RIC1: variants seen among roughly 807,000 people sequenced by gnomAD.
RIC1 encodes RIC1 partner of RAB6A GEF complex, also known as guanine nucleotide exchange factor subunit RIC1.
A neutral mutation model predicts 169.0 loss-of-function variants in RIC1; 88 were observed. That is an observed-to-expected ratio of 0.52 (90% confidence interval 0.44 to 0.62). RIC1 has a LOEUF of 0.62. Ranked by LOEUF, RIC1 falls within the 20% of genes least tolerant of loss-of-function variation. RIC1 has a pLI of 0.00. For missense variants in RIC1, 1,877 were observed against 1,725.5 expected (o/e 1.09, Z -1.56); for synonymous variants, 790 against 601.5 (o/e 1.31, Z -4.59).
intron 2 of RIC1, among the ~76,000 whole-genome samples, chr9:5,668,210 A>G (rs569508517): frequency 6.0e-5 from 9 of 150,358 alleles, no homozygotes; most frequent in African/African-American, 1.5e-4. Context: ...CTGTGATTCA[A>G]TTACCTCCCG....
At position 5,763,222 on chromosome 9, in the gene RIC1, A is replaced by G. The variant is rs1208377997; in HGVS notation, c.2195A>G (p.His732Arg). Reference protein sequence around the residue: ...TTCRANKQKRHLLEALWLSCG... With the variant: ...TTCRANKQKRRLLEALWLSCG... ...TGTCGAGCAAATAAACAGAAACGTC[A>G]CCTTCTGGAGGCCCTCTGGCTGAGC... The change falls in exon 19 of 26, where the codon CAC (histidine) becomes CGC (arginine). Residue 732 changes from histidine to arginine, a missense_variant. Physicochemically the swap from His to Arg is conservative, Grantham distance 29. Transcript: ENST00000414202. This position sits in a 1 kb window ranked among gnomAD's most constrained non-coding sequence, Gnocchi z 5.2. 6.2e-7 allele frequency: 1 copy of G among 1,614,090 alleles called. No individual in the cohort carries two copies. The highest frequency in any genetic ancestry group is 1.7e-5 in the Admixed American group (1 of 60,020).
intron 17 of RIC1, among the ~76,000 whole-genome samples, chr9:5,760,992 C>T (rs752714784): frequency 1.3e-5 from 2 of 151,898 alleles, no homozygotes; most frequent in Non-Finnish European, 2.9e-5. Context: ...CATTGTGCTT[C>T]CCTATTTCTC....
chr9:5,737,239 GTAT>G lies in RIC1; in HGVS notation c.813-1207_813-1205del, dbSNP rs1824771625. On this transcript the variant is annotated intron_variant, in intron 7 of 25. Coordinates refer to ENST00000414202, the MANE Select transcript of RIC1 (RefSeq NM_020829.4). Reference sequence around the variant, plus strand: ...TTCAATTTTGAAATGTGGCTTAGACGTATTATAGAGATTTTACTTCTGGCTTCA... The same window carrying G: ...TTCAATTTTGAAATGTGGCTTAGACGTATAGAGATTTTACTTCTGGCTTCA... Among the ~76,000 whole-genome samples, 8 of 148,590 alleles carry G rather than the reference GTAT, an allele frequency of 5.4e-5. No homozygotes were observed. In the South Asian group the frequency reaches 1.7e-3, roughly 31 times the overall value.
chr9:5,758,955 G>A (rs1016682749), intron 17 of RIC1, among the ~76,000 whole-genome samples: 1 of 151,866 alleles, frequency 6.6e-6, no homozygotes, highest in South Asian at 2.1e-4. Context: ...ATGTTGGCCA[G>A]GATGGTCTCA....
intron 1 of RIC1, among the ~76,000 whole-genome samples, chr9:5,648,226 C>G (rs1258316582): frequency 2.6e-5 from 4 of 152,118 alleles, no homozygotes; most frequent in Non-Finnish European, 5.9e-5. Context: ...TCAGGTGATC[C>G]ACCTGTCTCG....
chr9:5,757,479 G>C (rs1826077690), intron 17 of RIC1, 28 bp downstream of exon 17: 1 of 1,611,600 alleles, frequency 6.2e-7, no homozygotes, highest in Non-Finnish European at 8.5e-7. Context: ...AAGGTCTTTG[G>C]AGTTTACATT....
Position 5,774,362 on chromosome 9 carries a change from G to T in RIC1, c.*116G>T. The T allele has an allele frequency of 1.3e-6, 1 of 786,788 alleles. No homozygotes were observed. The allele number at this position is 786,788 out of a possible 1,614,324, so 48.7% of individuals were successfully genotyped here. A position where few individuals can be genotyped will look rare whatever the true frequency, so the allele number is the denominator to read the frequency against. On this transcript the variant is annotated 3_prime_UTR_variant, in exon 26 of 26. Coordinates refer to ENST00000414202, the MANE Select transcript of RIC1 (RefSeq NM_020829.4). ...ACTCAGTTCAGAGACTCTTCGGTAA[G>T]TATTAGTAGATTTTAACTAATTCTT...
intron 3 of RIC1, among the ~76,000 whole-genome samples, chr9:5,709,349 C>G (rs1352508970): frequency 6.6e-6 from 1 of 152,140 alleles, no homozygotes; most frequent in East Asian, 1.9e-4. Flanking sequence ...ACAGAGGTTA[C>G]TGTGTTAGTC....
intron 1 of RIC1, among the ~76,000 whole-genome samples, chr9:5,634,818 T>A (rs1817891292): frequency 6.6e-6 from 1 of 152,194 alleles, no homozygotes; most frequent in South Asian, 2.1e-4. Flanking sequence ...TTCCCCTGTT[T>A]TCTTCTAGGA....
Position 5,753,180 on chromosome 9 carries a change from T to C in RIC1, c.1453-20T>C, listed in dbSNP as rs991055350. 3 of 1,598,624 alleles carry C rather than the reference T, an allele frequency of 1.9e-6. No homozygotes were observed. Among genetic ancestry groups the C allele is most frequent in the Non-Finnish European group, 2.6e-6 (3 of 1,166,048 alleles). On this transcript the variant is annotated intron_variant, in intron 12 of 25. Coordinates refer to ENST00000414202, the MANE Select transcript of RIC1 (RefSeq NM_020829.4). ...ATATATTTCATAAGTTTTACCAATC[T>C]GATGTGTTATTTTCTATAGATTTCC...
rs191384939 is a variant in RIC1, at chr9:5,689,242, A to G, written c.253-717A>G. On this transcript the variant is annotated intron_variant, in intron 2 of 25. Transcript: ENST00000414202. ...TTTTTTGTATTTTTTTAGTAGAGAC[A>G]GGGTTTCACCACGTTAGCCAGAATG... is the stretch of plus-strand genomic sequence containing the variant. 9.5e-3 allele frequency among the ~76,000 whole-genome samples: 1,443 copies of G among 151,728 alleles called. 10 individuals carry two copies. The highest frequency in any genetic ancestry group is 0.012 in the Non-Finnish European group (848 of 67,862).
chr9:5,721,180 G>C (rs1823564244), intron 6 of RIC1, among the ~76,000 whole-genome samples: 1 of 152,084 alleles, frequency 6.6e-6, no homozygotes, highest in African/African-American at 2.4e-5. Flanking sequence ...TTGTGATTTT[G>C]ATTAGGTTAC....
rs968327417 is a variant in RIC1, at chr9:5,770,212, A to G, written c.3550A>G (p.Ile1184Val). ...LSNIGPTHHE[I>V]DTASSHGPQM... is the part of the protein sequence containing the mutation. ...CAACATTGGCCCCACCCATCATGAG[A>G]TAGACACAGCTTCATCCCATGGACC... Residue 1184 changes from isoleucine to valine, a missense_variant, in exon 23 of 26, where the codon ATA becomes GTA. Ile to Val is a conservative substitution (Grantham distance 29). Around this residue, in one of 3 missense-constraint regions of RIC1, gnomAD observed 681 missense variants for 582.0 expected, o/e 1.17. Coordinates refer to ENST00000414202, the MANE Select transcript of RIC1 (RefSeq NM_020829.4). The G allele has an allele frequency of 5.6e-6, 9 of 1,613,906 alleles. No individual in the cohort carries two copies. The East Asian group carries it at 1.3e-4, about 24-fold the overall frequency.
intron 4 of RIC1, among the ~76,000 whole-genome samples, chr9:5,717,867 G>T (rs185280625): frequency 6.7e-6 from 1 of 150,078 alleles, no homozygotes; most frequent in South Asian, 2.1e-4. Flanking sequence ...TCAGCCAGGC[G>T]CAGTGGCTCA....
intron 3 of RIC1, among the ~76,000 whole-genome samples, chr9:5,701,363 C>T (rs115859119): frequency 0.021 from 3,160 of 152,250 alleles, 124 homozygotes; most frequent in African/African-American, 0.072. Context: ...GCAATCTCAG[C>T]ACTTTGGGAG....
In RIC1 at chr9:5,678,646, C is replaced by T. The variant is rs1169502605; in HGVS notation, c.253-11313C>T. Among the ~76,000 whole-genome samples, 4 of 152,116 alleles carry T rather than the reference C, an allele frequency of 2.6e-5. No individual in the cohort carries two copies. In the East Asian group the frequency reaches 5.8e-4, roughly 22 times the overall value. Reference sequence around the variant, plus strand: ...TGTTTTTTGGCTGCATAAATGTCTTCTTTTGAGAAGTGTCTGTTTGTATCT... The same window carrying T: ...TGTTTTTTGGCTGCATAAATGTCTTTTTTTGAGAAGTGTCTGTTTGTATCT... On this transcript the variant is annotated intron_variant, in intron 2 of 25. Coordinates refer to ENST00000414202, the MANE Select transcript of RIC1 (RefSeq NM_020829.4).
At position 5,754,925 on chromosome 9, in the gene RIC1, G is replaced by C. The variant is rs1267867643; in HGVS notation, c.1687G>C (p.Glu563Gln). The change falls in exon 15 of 26, where the codon GAA (glutamate) becomes CAA (glutamine). Residue 563 changes from glutamate to glutamine, a missense_variant. Around this residue, in one of 3 missense-constraint regions of RIC1, gnomAD observed 1,104 missense variants for 992.0 expected, o/e 1.11. Coordinates refer to ENST00000414202, the MANE Select transcript of RIC1 (RefSeq NM_020829.4). ...LACYNINDRQ[E>Q]ELRVYLRTSN... ...GTGTTATAACATAAATGACCGTCAAGAAGAGGTAAGTTTTTTCTCTCAGAA... is the reference window on the plus strand; with the variant it reads ...GTGTTATAACATAAATGACCGTCAACAAGAGGTAAGTTTTTTCTCTCAGAA... 6.5e-7 allele frequency: 1 copy of C among 1,530,170 alleles called. No individual in the cohort carries two copies. Among genetic ancestry groups the C allele is most frequent in the East Asian group, 2.3e-5 (1 of 43,890 alleles). The allele number at this position is 1,530,170 out of a possible 1,614,324, so 94.8% of individuals were successfully genotyped here. A position where few individuals can be genotyped will look rare whatever the true frequency, so the allele number is the denominator to read the frequency against.
chr9:5,643,290 A>G (rs1005282683), intron 1 of RIC1, among the ~76,000 whole-genome samples: 1 of 152,216 alleles, frequency 6.6e-6, no homozygotes, highest in Non-Finnish European at 1.5e-5. Context: ...AAATTTGTTT[A>G]TACTGCTTTT....
chr9:5,758,444 C>T (rs566334004), intron 17 of RIC1, among the ~76,000 whole-genome samples: 1 of 152,292 alleles, frequency 6.6e-6, no homozygotes, highest in South Asian at 2.1e-4. Flanking sequence ...CTAGACTAGA[C>T]TATCCAGTTA....
Sources: gnomAD v4.1 joint callset for allele counts (sites outside exome capture counted in the v4.1 genomes callset) on GRCh38, gnomAD v4.1.1 for gene constraint, gnomAD v4.1.1 regional missense constraint, Gnocchi (gnomAD v3.1) non-coding constraint, MANE v1.5 for transcripts, NCBI Gene and HGNC (gene_info 2026-07-23, HGNC 2026-07-21) for gene names.